The following TESK2 variants were observed in gnomAD, a reference collection of about 807,000 sequenced individuals.
The protein encoded by TESK2 is testis associated actin remodelling kinase 2, also known as dual specificity testis-specific protein kinase 2.
A neutral mutation model predicts 57.1 loss-of-function variants in TESK2; 39 were observed. That is an observed-to-expected ratio of 0.68 (90% confidence interval 0.53 to 0.89). The LOEUF is 0.89. Ranked by LOEUF, TESK2 falls within the 40% of genes least tolerant of loss-of-function variation. The pLI, the probability that TESK2 is intolerant of heterozygous loss-of-function variation, is 0.00. For synonymous variants in TESK2, 249 were observed against 267.9 expected (o/e 0.93, Z 0.69); for missense variants, 646 against 732.1 (o/e 0.88, Z 1.36).
rs1046934596 is a variant in TESK2 at position 45,477,764 on chromosome 1, C to T, written c.-87+13088G>A. On this transcript the variant is annotated intron_variant, in intron 1 of 10. Transcript: ENST00000372086. ...TTATAAAATTCTTTAGCCCGGCATT[C>T]GAAGACTCTGCTCCACTATAATTAG... Among the ~76,000 whole-genome samples the T allele has an allele frequency of 5.3e-5, 8 of 152,256 alleles. No homozygotes were observed. In the South Asian group the frequency reaches 8.3e-4, roughly 16 times the overall value.
intron 5 of TESK2, among the ~76,000 whole-genome samples, chr1:45,349,203 C>A (rs561473747): frequency 6.6e-6 from 1 of 151,714 alleles, no homozygotes; most frequent in Non-Finnish European, 1.5e-5. Context: ...CTGTCAGGTA[C>A]AAATCAATCC....
At chr1:45,441,617 C>CTTTTTT (rs763476517) in intron 2 of TESK2, among the ~76,000 whole-genome samples, 3 of 118,688 alleles carry the variant, frequency 2.5e-5, no homozygotes, top group African/African-American at 6.5e-5. Flanking sequence ...CAAAATTATT[C>CTTTTTT]TTTTTTTTTT....
rs1214585137 is a variant in TESK2 at position 45,345,096 on chromosome 1, C to T, written c.1460G>A (p.Ser487Asn). The T allele has an allele frequency of 1.9e-6, 3 of 1,614,172 alleles. No individual in the cohort carries two copies. Residue 487 changes from serine to asparagine, a missense_variant, in exon 11 of 11, where the codon AGT becomes AAT. Transcript: ENST00000372086. ...CTCTTTAACTCTGTACTTGAGACTA[C>T]TTAGGCGTGGTGGGGGCCCATCAGA... The part of the protein sequence containing the change: ...SLSDGPPPRL[S>N]SLKYRVKEIP...
chr1:45,459,014 C>G (rs1652229796), intron 1 of TESK2, among the ~76,000 whole-genome samples: 1 of 152,190 alleles, frequency 6.6e-6, no homozygotes, highest in Non-Finnish European at 1.5e-5. Flanking sequence ...TTACCACCAC[C>G]ACTTCTAACC....
chr1:45,385,225 C>G, intron 4 of TESK2: 1 of 498,090 alleles, frequency 2.0e-6, no homozygotes, highest in Non-Finnish European at 2.6e-6. Context: ...CCTATTAAAC[C>G]TAGAAGATTC....
intron 3 of TESK2, among the ~76,000 whole-genome samples, chr1:45,397,590 C>A (rs2487445): frequency 0.97 from 148,096 of 152,212 alleles, 72,189 homozygotes; most frequent in East Asian, 1. Context: ...TTTTCTTTTT[C>A]TTTTGCATTT....
chr1:45,477,638 A>G (rs1041752612), intron 1 of TESK2, among the ~76,000 whole-genome samples: 2 of 150,050 alleles, frequency 1.3e-5, no homozygotes, highest in Admixed American at 1.3e-4. Context: ...AAAAAAAAAA[A>G]GAAAGATTTT....
intron 3 of TESK2, chr1:45,398,983 G>GAAA (rs372886401): frequency 0.022 from 5,288 of 235,446 alleles, 38 homozygotes; most frequent in South Asian, 0.035. Context: ...ACTAGGACCT[G>GAAA]AAAAAAAAAA....
intron 3 of TESK2, among the ~76,000 whole-genome samples, chr1:45,391,216 CTTTT>C (rs1191605172): frequency 1.7e-5 from 2 of 118,762 alleles, no homozygotes; most frequent in Non-Finnish European, 1.7e-5. Context: ...GCGCCCAGCC[CTTTT>C]TTTTTTTTTT....
chr1:45,473,046 C>A (rs951292801), intron 1 of TESK2, among the ~76,000 whole-genome samples: 3 of 149,144 alleles, frequency 2.0e-5, no homozygotes, highest in Non-Finnish European at 3.0e-5. Context: ...CCCAGCTAAT[C>A]GGGAGACTGA....
chr1:45,484,018 T>C lies in TESK2; in HGVS notation c.-87+6834A>G, dbSNP rs553655965. Among the ~76,000 whole-genome samples the C allele has an allele frequency of 3.6e-4, 55 of 150,870 alleles. 2 individuals are homozygous for C. The highest frequency in any genetic ancestry group is 1.3e-3 in the African/African-American group (53 of 41,192). ...TCTGTCTTAAAAAAAAAAAAAATTATACTTGGATTTTCTACCGCACAGGGG... is the reference window on the plus strand; with the variant it reads ...TCTGTCTTAAAAAAAAAAAAAATTACACTTGGATTTTCTACCGCACAGGGG... On this transcript the variant is annotated intron_variant, in intron 1 of 10. Coordinates refer to ENST00000372086, the MANE Select transcript of TESK2 (RefSeq NM_007170.3).
chr1:45,464,936 A>C (rs1484175012), intron 1 of TESK2, among the ~76,000 whole-genome samples: 1 of 152,058 alleles, frequency 6.6e-6, no homozygotes, highest in Admixed American at 6.6e-5. Context: ...CCTTGTCTCT[A>C]CTAAAAATAC....
chr1:45,347,676 A>AGCTTC lies in TESK2; in HGVS notation c.636_640dup (p.Leu214ArgfsTer102), dbSNP rs768701476. On this transcript the variant is annotated frameshift_variant, in exon 7 of 11. Transcript: ENST00000372086. LOFTEE classifies it high-confidence loss of function. Reference sequence around the variant, plus strand: ...CCAGAATGGGGAACCCACCACGGCCAGCTTCTCACTCCCCATGCTGTGGGG... The same window carrying AGCTTC: ...CCAGAATGGGGAACCCACCACGGCCAGCTTCGCTTCTCACTCCCCATGCTGTGGGG... 4 of 1,614,194 alleles carry AGCTTC rather than the reference A, an allele frequency of 2.5e-6. No homozygotes were observed. The South Asian group carries it at 4.4e-5, about 18-fold the overall frequency.
chr1:45,438,214 G>A (rs1651306564), intron 2 of TESK2, among the ~76,000 whole-genome samples: 1 of 152,168 alleles, frequency 6.6e-6, no homozygotes, highest in South Asian at 2.1e-4. Flanking sequence ...TAGAAGCACT[G>A]GCTGGGCACG....
intron 1 of TESK2, among the ~76,000 whole-genome samples, chr1:45,462,397 C>T (rs1274698408): frequency 2.0e-5 from 3 of 152,030 alleles, no homozygotes; most frequent in East Asian, 1.9e-4. Flanking sequence ...CTCAGCCTCC[C>T]GAGTAGCTGG....
chr1:45,399,048 T>C (rs1649482819), intron 3 of TESK2: 1 of 406,348 alleles, frequency 2.5e-6, no homozygotes, highest in South Asian at 1.8e-5. Flanking sequence ...GGACAACATA[T>C]ACCATGTAGT....
intron 1 of TESK2, among the ~76,000 whole-genome samples, chr1:45,486,953 G>T (rs923356160): frequency 6.6e-6 from 1 of 151,432 alleles, no homozygotes; most frequent in Non-Finnish European, 1.5e-5. Flanking sequence ...CTCCCAAGTA[G>T]CTGGGATTAC....
chr1:45,437,080 C>T (rs1651262820), intron 2 of TESK2, among the ~76,000 whole-genome samples: 1 of 152,186 alleles, frequency 6.6e-6, no homozygotes, highest in African/African-American at 2.4e-5. Context: ...CAGGAGTGAG[C>T]CGCTGCGCCT....
At position 45,344,817 on chromosome 1, in the gene TESK2, G is replaced by A. The variant is rs758404202; in HGVS notation, c.*23C>T. 3 of 1,590,884 alleles carry A rather than the reference G, an allele frequency of 1.9e-6. No homozygotes were observed. The African/African-American group carries it at 4.0e-5, about 21-fold the overall frequency. ...GTTTCAGCTGAAGGTCCATCCCCAA[G>A]GTGAGGCAGGGACTAAACCCCCTCA... On this transcript the variant is annotated 3_prime_UTR_variant, in exon 11 of 11. Coordinates refer to ENST00000372086, the MANE Select transcript of TESK2 (RefSeq NM_007170.3).
Sources: gnomAD v4.1 joint callset for allele counts (sites outside exome capture counted in the v4.1 genomes callset) on GRCh38, gnomAD v4.1.1 for gene constraint, MANE v1.5 for transcripts, NCBI Gene and HGNC (gene_info 2026-07-23, HGNC 2026-07-21) for gene names.